Variants in FARP1 observed in about 807,000 individuals in gnomAD.
FARP1 encodes the protein FERM, ARH/RhoGEF and pleckstrin domain protein 1, also known as FERM, ARHGEF and pleckstrin domain-containing protein 1.
In FARP1, 52 loss-of-function variants were observed where a neutral mutation model predicts 128.8. That is an observed-to-expected ratio of 0.40 (90% CI 0.32 to 0.51). The LOEUF is 0.51. Ranked by LOEUF, FARP1 falls within the 20% of genes least tolerant of loss-of-function variation. The pLI is 0.45. For missense variants in FARP1, 1,333 were observed against 1,367.9 expected (o/e 0.97, Z 0.40); for synonymous variants, 580 against 551.8 (o/e 1.05, Z -0.72).
chr13:98,237,440 G>C (rs1882488573), intron 2 of FARP1, among the ~76,000 whole-genome samples: 1 of 152,206 alleles, frequency 6.6e-6, no homozygotes, highest in African/African-American at 2.4e-5. Context: ...GAAATTAACT[G>C]TAGTAACACT....
chr13:98,202,745 G>A (rs1466421328), intron 1 of FARP1, among the ~76,000 whole-genome samples: 3 of 151,776 alleles, frequency 2.0e-5, no homozygotes, highest in African/African-American at 7.3e-5. Flanking sequence ...TAAGAGATAG[G>A]GTCTTGCTTT....
At chr13:98,310,080 G>GTTT (rs35233382) in intron 2 of FARP1, among the ~76,000 whole-genome samples, 46,657 of 146,240 alleles carry the variant, frequency 0.32, 7,535 homozygotes, top group Middle Eastern at 0.41. Flanking sequence ...TAGATTACAT[G>GTTT]TTTTTTTTTT....
At chr13:98,261,035 T>C (rs1281255124) in intron 2 of FARP1, among the ~76,000 whole-genome samples, 2 of 152,152 alleles carry the variant, frequency 1.3e-5, no homozygotes, top group Non-Finnish European at 2.9e-5. Context: ...GACTGCAGGA[T>C]GGACAGGTGT....
chr13:98,263,634 A>G (rs928937610), intron 2 of FARP1, among the ~76,000 whole-genome samples: 4 of 152,230 alleles, frequency 2.6e-5, no homozygotes, highest in Non-Finnish European at 2.9e-5. Context: ...TTGCTCTTTG[A>G]AGCAATCTCT....
intron 2 of FARP1, among the ~76,000 whole-genome samples, chr13:98,236,771 C>T (rs1355833389): frequency 2.0e-5 from 3 of 151,942 alleles, no homozygotes; most frequent in East Asian, 1.9e-4. Flanking sequence ...AGGTGGGTCA[C>T]GAGGTCAGGA....
At chr13:98,368,859 G>GTCACCATCATCA (rs1344056176) in intron 5 of FARP1, among the ~76,000 whole-genome samples, 1 of 151,312 alleles carries the variant, frequency 6.6e-6, no homozygotes, top group Non-Finnish European at 1.5e-5. Flanking sequence ...TTTCATTGTC[G>GTCACCATCATCA]TCACCATCAT....
chr13:98,251,757 C>T (rs1422525674), intron 2 of FARP1, among the ~76,000 whole-genome samples: 1 of 151,864 alleles, frequency 6.6e-6, no homozygotes, highest in Non-Finnish European at 1.5e-5. Context: ...CCTCCAGCAT[C>T]ACCTGTTGGC....
intron 3 of FARP1, among the ~76,000 whole-genome samples, chr13:98,350,482 A>G (rs531763041): frequency 2.0e-5 from 3 of 152,222 alleles, no homozygotes; most frequent in South Asian, 2.1e-4. Context: ...GCCAGTGTCA[A>G]TCCATTATCA....
intron 2 of FARP1, among the ~76,000 whole-genome samples, chr13:98,242,354 G>C (rs897974819): frequency 1.5e-4 from 23 of 152,224 alleles, no homozygotes; most frequent in African/African-American, 5.3e-4. Flanking sequence ...ATTTCAGAGG[G>C]GATCATTTTT....
intron 13 of FARP1, chr13:98,398,001 T>C (rs1306067161): frequency 4.6e-5 from 7 of 151,772 alleles, no homozygotes; most frequent in East Asian, 1.9e-4. Flanking sequence ...AGCTCCCTGA[T>C]GTGCCACCAT....
At chr13:98,157,846 A>G (rs1356510889) in intron 1 of FARP1, among the ~76,000 whole-genome samples, 3 of 152,240 alleles carry the variant, frequency 2.0e-5, no homozygotes, top group Admixed American at 6.5e-5. Flanking sequence ...AATATTTAAG[A>G]TGAACTCTCT....
chr13:98,286,638 C>G (rs1287365048), intron 2 of FARP1, among the ~76,000 whole-genome samples: 1 of 152,104 alleles, frequency 6.6e-6, no homozygotes, highest in Non-Finnish European at 1.5e-5. Context: ...GTAAATTGTT[C>G]TGTCTTGGGT....
intron 1 of FARP1, among the ~76,000 whole-genome samples, chr13:98,192,001 C>T (rs374598928): frequency 3.3e-5 from 5 of 152,088 alleles, no homozygotes; most frequent in East Asian, 1.9e-4. Flanking sequence ...CTTGTAGTCC[C>T]GAAACCCCAG....
chr13:98,272,401 A>G (rs1884434169), intron 2 of FARP1, among the ~76,000 whole-genome samples: 1 of 152,204 alleles, frequency 6.6e-6, no homozygotes, highest in African/African-American at 2.4e-5. Flanking sequence ...AGTCATTATG[A>G]TAGAGAATAA....
intron 1 of FARP1, among the ~76,000 whole-genome samples, chr13:98,167,710 G>A (rs1163033579): frequency 3.3e-5 from 5 of 151,984 alleles, no homozygotes; most frequent in Non-Finnish European, 5.9e-5. Flanking sequence ...GCGCCTGGCC[G>A]CAAACAGTTT....
chr13:98,424,503 A>G lies in FARP1; in HGVS notation c.1827-69A>G, dbSNP rs1327425283. On this transcript the variant is annotated intron_variant, in intron 16 of 26. Coordinates refer to ENST00000319562, the MANE Select transcript of FARP1 (RefSeq NM_005766.4). ...ATTGGAAAGGAAGCGGTAGGCTGAT[A>G]TTTGTAACCCAGGGCTGTCATGTCA... 5.1e-6 allele frequency: 5 copies of G among 989,110 alleles called. No homozygotes were observed. The African/African-American group carries it at 8.0e-5, about 16-fold the overall frequency. The allele number at this position is 989,110 out of a possible 1,614,324, so 61.3% of individuals were successfully genotyped here.
At chr13:98,409,300 T>C (rs1891097387) in intron 13 of FARP1, 38 bp from the exon 14 acceptor site, 2 of 1,210,370 alleles carry the variant, frequency 1.7e-6, no homozygotes, top group Non-Finnish European at 2.1e-6. Flanking sequence ...AGAAAAAAAT[T>C]ACTTTTTTTT....
At chr13:98,186,139 G>T (rs1353190815) in intron 1 of FARP1, among the ~76,000 whole-genome samples, 2 of 151,452 alleles carry the variant, frequency 1.3e-5, no homozygotes, top group South Asian at 2.1e-4. Context: ...TTTCGCTCTT[G>T]TTGCCCAGGC....
chr13:98,264,829 A>T (rs1884027473), intron 2 of FARP1, among the ~76,000 whole-genome samples: 1 of 152,162 alleles, frequency 6.6e-6, no homozygotes, highest in African/African-American at 2.4e-5. Flanking sequence ...TATCGAATAG[A>T]ATTACTATTC....
Sources: gnomAD v4.1 joint callset for allele counts (sites outside exome capture counted in the v4.1 genomes callset) on GRCh38, gnomAD v4.1.1 for gene constraint, MANE v1.5 for transcripts, NCBI Gene and HGNC (gene_info 2026-07-23, HGNC 2026-07-21) for gene names.